Variants in FFAR4 observed in about 807,000 individuals in gnomAD.
FFAR4 encodes free fatty acid receptor 4, also known as G-protein coupled receptor 120.
FFAR4 carries 19 observed loss-of-function variants against 27.0 expected under a neutral mutation model. The observed-to-expected ratio is 0.70, with a 90% confidence interval of 0.49 to 1.03. The LOEUF (loss-of-function observed/expected upper bound fraction) is 1.03. Ranked by LOEUF, FFAR4 falls within the 50% of genes least tolerant of loss-of-function variation. The pLI, the probability that FFAR4 is intolerant of heterozygous loss-of-function variation, is 0.00. For missense variants in FFAR4, 476 were observed against 479.0 expected (o/e 0.99, Z 0.06); for synonymous variants, 254 against 215.6 (o/e 1.18, Z -1.56).
chr10:93,583,246 C>CA (rs56030960), intron 2 of FFAR4, among the ~76,000 whole-genome samples: 19,994 of 102,124 alleles, frequency 0.2, 1,845 homozygotes, highest in Admixed American at 0.32. Flanking sequence ...ACTAAAAATA[C>CA]AAAAAAAAAA....
chr10:93,567,267 C>A lies in FFAR4; in HGVS notation c.547C>A (p.Arg183=), dbSNP rs760740942. 1.2e-5 allele frequency: 19 copies of A among 1,599,380 alleles called. No individual in the cohort carries two copies. Residue 183 remains arginine (R), a synonymous_variant, in exon 1 of 3, where the codon CGG becomes AGG. Transcript: ENST00000371481. ...LCVFFRVVPQ[R]LPGADQEISI... ...CGTCTTCTTCCGAGTCGTCCCGCAA[C>A]GGCTCCCCGGCGCCGACCAGGTGAG... is the stretch of plus-strand genomic sequence containing the variant.
intron 2 of FFAR4, among the ~76,000 whole-genome samples, chr10:93,578,709 C>T (rs1426277034): frequency 1.3e-5 from 2 of 152,240 alleles, no homozygotes; most frequent in Middle Eastern, 3.4e-3. Flanking sequence ...TTATGACGGT[C>T]GTGATTTGTT....
chr10:93,583,017 C>A (rs2058207367), intron 2 of FFAR4, among the ~76,000 whole-genome samples: 1 of 152,020 alleles, frequency 6.6e-6, no homozygotes, highest in Admixed American at 6.5e-5. Flanking sequence ...CCACCTGGAT[C>A]CTCCCTCCAC....
chr10:93,575,596 T>G (rs1331683049), intron 1 of FFAR4, among the ~76,000 whole-genome samples: 1 of 152,240 alleles, frequency 6.6e-6, no homozygotes, highest in African/African-American at 2.4e-5. Flanking sequence ...CATGAATACT[T>G]AATGCTTTAG....
At chr10:93,578,804 C>T (rs2058181212) in intron 2 of FFAR4, among the ~76,000 whole-genome samples, 1 of 152,160 alleles carries the variant, frequency 6.6e-6, no homozygotes, top group Admixed American at 6.5e-5. Flanking sequence ...AACAACAGCC[C>T]AGATTTGGAG....
Position 93,587,346 on chromosome 10 carries a change from A to G in FFAR4, c.823A>G (p.Ile275Val). The G allele has an allele frequency of 6.2e-7, 1 of 1,613,852 alleles. No homozygotes were observed. The highest frequency in any genetic ancestry group is 8.5e-7 in the Non-Finnish European group (1 of 1,179,986). ...CTTCCTCCTCATGGTCTCCTTCTTC[A>G]TCATGTGGAGCCCCATCATCATCAC... ...TLFLLMVSFF[I>V]MWSPIIITIL... The change falls in exon 3 of 3, where the codon ATC (isoleucine) becomes GTC (valine). Residue 275 changes from isoleucine (I) to valine (V), a missense_variant. Transcript: ENST00000371481.
In FFAR4 at chr10:93,589,012, G is replaced by A. The variant is rs939086152; in HGVS notation, c.*1403G>A. 1.3e-5 allele frequency: 2 copies of A among 152,290 alleles called. No individual in the cohort carries two copies. Among genetic ancestry groups the A allele is most frequent in the Non-Finnish European group, 2.9e-5 (2 of 68,102 alleles). 9.4% of individuals were successfully genotyped at this position (152,290 alleles called of 1,614,324 possible). ...GATCAAAAGGTAAGCGACAAGAAAG[G>A]GCCACCTGTGTGAATGGGGGAAGGG... On this transcript the variant is annotated 3_prime_UTR_variant, in exon 3 of 3. Transcript: ENST00000371481.
rs1589679144 is a variant in FFAR4 at position 93,583,232 on chromosome 10, C to T, written c.697-3988C>T. On this transcript the variant is annotated intron_variant, in intron 2 of 2. Transcript: ENST00000371481. ...CCTGGCTAACACGGTGAAACCCCGT[C>T]TCTACTAAAAATACAAAAAAAAAAA... Among the ~76,000 whole-genome samples, 4 of 133,830 alleles carry T rather than the reference C, an allele frequency of 3.0e-5. No individual in the cohort carries two copies. In the South Asian group the frequency reaches 9.8e-4, roughly 33 times the overall value. The allele number at this position is 133,830 out of a possible 152,430, so 87.8% of individuals were successfully genotyped here. A position where few individuals can be genotyped will look rare whatever the true frequency, so the allele number is the denominator to read the frequency against.
Position 93,588,404 on chromosome 10 carries a change from T to G in FFAR4, c.*795T>G, listed in dbSNP as rs2058242843. 1 of 152,124 alleles carries G rather than the reference T, an allele frequency of 6.6e-6. No homozygotes were observed. The highest frequency in any genetic ancestry group is 2.1e-4 in the South Asian group (1 of 4,832). 9.4% of individuals were successfully genotyped at this position (152,124 alleles called of 1,614,324 possible). ...AGTTAAAGATGACTTACTTTTTTTTTTTTTTCATTTATAAAAATGCTATGG... is the reference window on the plus strand; with the variant it reads ...AGTTAAAGATGACTTACTTTTTTTTGTTTTTCATTTATAAAAATGCTATGG... On this transcript the variant is annotated 3_prime_UTR_variant, in exon 3 of 3. Coordinates refer to ENST00000371481, the MANE Select transcript of FFAR4 (RefSeq NM_001195755.2).
chr10:93,581,187 G>A (rs1398172821), intron 2 of FFAR4, among the ~76,000 whole-genome samples: 2 of 152,226 alleles, frequency 1.3e-5, no homozygotes, highest in African/African-American at 4.8e-5. Flanking sequence ...TGTCGAATAA[G>A]TGAGTCTATG....
chr10:93,578,416 C>CA (rs762326870), intron 2 of FFAR4, among the ~76,000 whole-genome samples: 2,001 of 58,976 alleles, frequency 0.034, 20 homozygotes, highest in African/African-American at 0.039. Flanking sequence ...GATTCCCTCT[C>CA]AAAAAAAAAA....
In FFAR4 at chr10:93,569,297, A is replaced by G. The variant is rs1430616239; in HGVS notation, c.567+2010A>G. Among the ~76,000 whole-genome samples, 3 of 152,284 alleles carry G rather than the reference A, an allele frequency of 2.0e-5. No homozygotes were observed. In the East Asian group the frequency reaches 5.8e-4, roughly 29 times the overall value. ...CCTCTCCCTTTTTTCAGTGATTTCAAGTATAACCCTAATTAATTGGCAAAT... is the reference window on the plus strand; with the variant it reads ...CCTCTCCCTTTTTTCAGTGATTTCAGGTATAACCCTAATTAATTGGCAAAT... On this transcript the variant is annotated intron_variant, in intron 1 of 2. Coordinates refer to ENST00000371481, the MANE Select transcript of FFAR4 (RefSeq NM_001195755.2).
chr10:93,576,651 T>G (rs1168378790), intron 2 of FFAR4, among the ~76,000 whole-genome samples: 1 of 152,244 alleles, frequency 6.6e-6, no homozygotes, highest in African/African-American at 2.4e-5. Flanking sequence ...CACTGTTCAA[T>G]GTTCTTTTCA....
chr10:93,574,843 G>A (rs2058154123), intron 1 of FFAR4, among the ~76,000 whole-genome samples: 1 of 151,966 alleles, frequency 6.6e-6, no homozygotes. Context: ...AGGTTGCAGT[G>A]AGCCGAGATC....
intron 1 of FFAR4, among the ~76,000 whole-genome samples, chr10:93,570,188 T>TCTCTCA (rs112078364): frequency 6.7e-6 from 1 of 148,660 alleles, no homozygotes; most frequent in African/African-American, 2.5e-5. Flanking sequence ...TCTGTCTCTC[T>TCTCTCA]CACACACACA....
intron 2 of FFAR4, among the ~76,000 whole-genome samples, chr10:93,580,728 C>T (rs902010022): frequency 6.6e-5 from 10 of 152,208 alleles, no homozygotes; most frequent in African/African-American, 2.4e-4. Context: ...TGGTTCTGAC[C>T]TGGGCAAGAA....
intron 2 of FFAR4, among the ~76,000 whole-genome samples, chr10:93,584,801 G>A (rs1347655009): frequency 6.6e-6 from 1 of 152,008 alleles, no homozygotes; most frequent in Non-Finnish European, 1.5e-5. Flanking sequence ...CCACCTCCTG[G>A]GATCAAGCGA....
intron 1 of FFAR4, among the ~76,000 whole-genome samples, chr10:93,570,891 C>T (rs2058128221): frequency 6.6e-6 from 1 of 152,154 alleles, no homozygotes; most frequent in East Asian, 1.9e-4. Context: ...TCTAACCTCT[C>T]AATACCTCAC....
intron 1 of FFAR4, among the ~76,000 whole-genome samples, chr10:93,568,161 C>T (rs922461705): frequency 6.6e-6 from 1 of 152,142 alleles, no homozygotes; most frequent in African/African-American, 2.4e-5. Flanking sequence ...TCTCTTGCCG[C>T]TTTGCCCGGT....
Sources: gnomAD v4.1 joint callset for allele counts (sites outside exome capture counted in the v4.1 genomes callset) on GRCh38, gnomAD v4.1.1 for gene constraint, MANE v1.5 for transcripts, NCBI Gene and HGNC (gene_info 2026-07-23, HGNC 2026-07-21) for gene names.